Variants in ZNF154 observed in about 807,000 individuals in gnomAD.
ZNF154 encodes zinc finger protein 154.
Under a neutral mutation model 7.5 loss-of-function variants are expected in ZNF154, and 6 were observed. The ratio of observed to expected loss-of-function variants is 0.80; its 90% CI spans 0.44 to 1.57. The LOEUF (loss-of-function observed/expected upper bound fraction) is 1.57. Ranked by LOEUF, ZNF154 falls within the 40% of genes most tolerant of loss-of-function variation. ZNF154 has a pLI of 0.01. For missense variants in ZNF154, 485 were observed against 531.4 expected (o/e 0.91, Z 0.86); for synonymous variants, 187 against 185.9 (o/e 1.01, Z -0.05).
Position 57,704,952 on chromosome 19 carries a change from C to G in ZNF154, c.61G>C (p.Val21Leu). The G allele has an allele frequency of 6.2e-7, 1 of 1,613,146 alleles. No individual in the cohort carries two copies. Among genetic ancestry groups the G allele is most frequent in the Non-Finnish European group, 8.5e-7 (1 of 1,179,624 alleles). Residue 21 changes from valine (V) to leucine (L), a missense_variant, in exon 2 of 3, where the codon GTA (valine) becomes CTA (leucine). By Grantham distance (32) the Val-to-Leu change is conservative. Transcript: ENST00000684351. ...QGTVTFEDVA[V>L]HFSWEEWGLL... ...CCCCATTCCTCCCAGGAGAAGTGTA[C>G]GGCCACATCTTCAAAGGTCACAGTG...
intron 1 of ZNF154, among the ~76,000 whole-genome samples, chr19:57,706,348 C>G (rs1347882869): frequency 3.3e-5 from 5 of 152,118 alleles, no homozygotes; most frequent in Admixed American, 6.5e-5. Flanking sequence ...ATTCCACTTC[C>G]GTGCTGCACT....
intron 1 of ZNF154, among the ~76,000 whole-genome samples, chr19:57,708,120 T>C (rs1985466821): frequency 1.3e-5 from 2 of 152,156 alleles, no homozygotes; most frequent in African/African-American, 4.8e-5. Context: ...TGCCTGGCCC[T>C]GAACTCAGGC....
Position 57,701,651 on chromosome 19 carries a change from C to T in ZNF154, c.1298G>A (p.Arg433Lys), listed in dbSNP as rs780581615. The T allele has an allele frequency of 1.2e-6, 2 of 1,612,234 alleles. No individual in the cohort carries two copies. The highest frequency in any genetic ancestry group is 1.7e-5 in the Admixed American group (1 of 59,968). Residue 433 changes from arginine (R) to lysine (K), a missense_variant, in exon 3 of 3, where the codon AGA becomes AAA. Arg to Lys is a conservative substitution (Grantham distance 26). Coordinates refer to ENST00000684351, the MANE Select transcript of ZNF154 (RefSeq NM_001085384.3). ...ATAAGGCTTTTATCGACTATGAATT[C>T]TCTGATGTTTAATAAGGCTGGAGTT... The part of the protein sequence containing the change: ...SHNSSLIKHQ[R>K]IHSR
Position 57,702,521 on chromosome 19 carries a change from C to T in ZNF154, c.428G>A (p.Ser143Asn). The T allele has an allele frequency of 6.2e-7, 1 of 1,614,202 alleles. No individual in the cohort carries two copies. Among genetic ancestry groups the T allele is most frequent in the Non-Finnish European group, 8.5e-7 (1 of 1,180,034 alleles). ...YNCGEHTKAF[S>N]GKHTLVQQQR... ...CTGCTGAACAAGTGTGTGTTTACCG[C>T]TGAATGCTTTTGTGTGTTCTCCACA... The change falls in exon 3 of 3, where the codon AGC becomes AAC. Residue 143 changes from serine to asparagine, a missense_variant. Coordinates refer to ENST00000684351, the MANE Select transcript of ZNF154 (RefSeq NM_001085384.3).
rs775553707 is a variant in ZNF154, at chr19:57,701,363, A to C, written c.*272T>G. The C allele has an allele frequency of 9.4e-6, 4 of 424,398 alleles. No homozygotes were observed. The highest frequency in any genetic ancestry group is 1.7e-5 in the Non-Finnish European group (4 of 233,644). 26.3% of individuals were successfully genotyped at this position (424,398 alleles called of 1,614,324 possible). A position where few individuals can be genotyped will look rare whatever the true frequency, so the allele number is the denominator to read the frequency against. On this transcript the variant is annotated 3_prime_UTR_variant, in exon 3 of 3. Coordinates refer to ENST00000684351, the MANE Select transcript of ZNF154 (RefSeq NM_001085384.3). Reference sequence around the variant, plus strand: ...TGACATGGGCCCTGGGCAGGGCAAAAGGTGCAATGCAGTTCACACATACCT... The same window carrying C: ...TGACATGGGCCCTGGGCAGGGCAAACGGTGCAATGCAGTTCACACATACCT...
chr19:57,709,193 A>C lies in ZNF154; in HGVS notation c.-222T>G. 1.8e-6 allele frequency: 1 copy of C among 570,138 alleles called. No individual in the cohort carries two copies. Among genetic ancestry groups the C allele is most frequent in the South Asian group, 2.5e-5 (1 of 40,312 alleles). The allele number at this position is 570,138 out of a possible 1,614,324, so 35.3% of individuals were successfully genotyped here. A position where few individuals can be genotyped will look rare whatever the true frequency, so the allele number is the denominator to read the frequency against. On this transcript the variant is annotated 5_prime_UTR_variant, in exon 1 of 3. The change creates a new upstream start codon in the 5' untranslated region. Coordinates refer to ENST00000684351, the MANE Select transcript of ZNF154 (RefSeq NM_001085384.3). ...GGTGAACACACCTCAGAGAAGCTAA[A>C]ATGGCCGCCACGAAGAGGCCCCCCC...
chr19:57,698,178 A>G lies in ZNF154; in HGVS notation c.*3457T>C, dbSNP rs1984977269. On this transcript the variant is annotated 3_prime_UTR_variant, in exon 3 of 3. Coordinates refer to ENST00000684351, the MANE Select transcript of ZNF154 (RefSeq NM_001085384.3). ...AATCTCAAAATAAATACGTGACTAT[A>G]CCCAGGGATTAAAAAAGAGTAAATA... 6.6e-6 allele frequency: 1 copy of G among 152,236 alleles called. No individual in the cohort carries two copies. The highest frequency in any genetic ancestry group is 2.4e-5 in the African/African-American group (1 of 41,472). 9.4% of individuals were successfully genotyped at this position (152,236 alleles called of 1,614,324 possible).
In ZNF154 at chr19:57,709,079, G is replaced by T; in HGVS notation, c.-108C>A. 1.4e-6 allele frequency: 2 copies of T among 1,480,184 alleles called. No individual in the cohort carries two copies. The highest frequency in any genetic ancestry group is 1.8e-6 in the Non-Finnish European group (2 of 1,086,602). The allele number at this position is 1,480,184 out of a possible 1,614,324, so 91.7% of individuals were successfully genotyped here. A position where few individuals can be genotyped will look rare whatever the true frequency, so the allele number is the denominator to read the frequency against. On this transcript the variant is annotated 5_prime_UTR_variant, in exon 1 of 3. Coordinates refer to ENST00000684351, the MANE Select transcript of ZNF154 (RefSeq NM_001085384.3). ...GACGTGGGTCCCCCAGGGCGGCGTC[G>T]CCAAGGCTTAGACGCTTTCGTGCAG...
At position 57,699,093 on chromosome 19, in the gene ZNF154, C is replaced by A. The variant is rs1273087381; in HGVS notation, c.*2542G>T. On this transcript the variant is annotated 3_prime_UTR_variant, in exon 3 of 3. Coordinates refer to ENST00000684351, the MANE Select transcript of ZNF154 (RefSeq NM_001085384.3). The stretch of plus-strand genomic sequence containing the variant: ...AGGTGTAAGCCACCGCATCTGGCCT[C>A]TTTTTTTTGAGACGGAGTCTTGTTT... 1 of 149,528 alleles carries A rather than the reference C, an allele frequency of 6.7e-6. No homozygotes were observed. The highest frequency in any genetic ancestry group is 1.5e-5 in the Non-Finnish European group (1 of 67,384). 9.3% of individuals were successfully genotyped at this position (149,528 alleles called of 1,614,324 possible).
At chr19:57,703,461 G>A (rs895039270) in intron 2 of ZNF154, among the ~76,000 whole-genome samples, 3 of 137,906 alleles carry the variant, frequency 2.2e-5, no homozygotes, top group African/African-American at 8.2e-5. Flanking sequence ...CTCCAGCCTG[G>A]GTGACAGAAG....
rs2122383440 is a variant in ZNF154 at position 57,701,168 on chromosome 19, A to G, written c.*467T>C. The G allele has an allele frequency of 6.1e-6, 1 of 162,614 alleles. No individual in the cohort carries two copies. The highest frequency in any genetic ancestry group is 2.4e-5 in the African/African-American group (1 of 41,562). The allele number at this position is 162,614 out of a possible 1,614,324, so 10.1% of individuals were successfully genotyped here. A position where few individuals can be genotyped will look rare whatever the true frequency, so the allele number is the denominator to read the frequency against. On this transcript the variant is annotated 3_prime_UTR_variant, in exon 3 of 3. Transcript: ENST00000684351. Reference sequence around the variant, plus strand: ...GGCCTAACTCATCAGAAAGGAAAAAAAAAAAACGGAATAAATGCTTAGGCT... The same window carrying G: ...GGCCTAACTCATCAGAAAGGAAAAAGAAAAAACGGAATAAATGCTTAGGCT...
At position 57,701,565 on chromosome 19, in the gene ZNF154, A is replaced by T; in HGVS notation, c.*70T>A. The stretch of plus-strand genomic sequence containing the variant: ...TGGCCTTCAGCTGAAGCTTTCTGAC[A>T]TTCACTGTGTACTCAAGGACTTTCT... On this transcript the variant is annotated 3_prime_UTR_variant, in exon 3 of 3. Transcript: ENST00000684351. 6.6e-7 allele frequency: 1 copy of T among 1,505,242 alleles called. No individual in the cohort carries two copies. The highest frequency in any genetic ancestry group is 9.0e-7 in the Non-Finnish European group (1 of 1,111,122). The allele number at this position is 1,505,242 out of a possible 1,614,324, so 93.2% of individuals were successfully genotyped here.
rs1220562529 is a variant in ZNF154, at chr19:57,703,223, C to T, written c.161-435G>A. 1.5e-4 allele frequency among the ~76,000 whole-genome samples: 17 copies of T among 109,698 alleles called. No individual in the cohort carries two copies. The Admixed American group carries it at 1.9e-3, about 12-fold the overall frequency. The allele number at this position is 109,698 out of a possible 152,430, so 72.0% of individuals were successfully genotyped here. On this transcript the variant is annotated intron_variant, in intron 2 of 2. Coordinates refer to ENST00000684351, the MANE Select transcript of ZNF154 (RefSeq NM_001085384.3). ...CAAGAATGGGCCGGGTGCGGTGGCT[C>T]ACATCTGTAATCCCAGCACTTTGGG...
chr19:57,708,226 T>G (rs1234355300), intron 1 of ZNF154, among the ~76,000 whole-genome samples: 1 of 152,218 alleles, frequency 6.6e-6, no homozygotes, highest in Admixed American at 6.5e-5. Context: ...AATGTCCTCA[T>G]CGCCCCATCG....
rs1292415464 is a variant in ZNF154, at chr19:57,702,167, A to T, written c.782T>A (p.Leu261His). The change falls in exon 3 of 3, where the codon CTT (leucine) becomes CAT (histidine). Residue 261 changes from leucine to histidine, a missense_variant. By Grantham distance (99) the Leu-to-His change is moderately conservative. Transcript: ENST00000684351. ...GKSFSQRSAL[L>H]QHRGVHTGER... ...CCCAGTGTGAACTCCCCGATGTTGA[A>T]GGAGTGCAGACCTTTGGCTAAAGGA... 6 of 1,613,826 alleles carry T rather than the reference A, an allele frequency of 3.7e-6. No homozygotes were observed. In the Admixed American group the frequency reaches 5.0e-5, roughly 13 times the overall value.
At position 57,701,856 on chromosome 19, in the gene ZNF154, A is replaced by C. The variant is rs1360036055; in HGVS notation, c.1093T>G (p.Phe365Val). 6.2e-7 allele frequency: 1 copy of C among 1,614,150 alleles called. No individual in the cohort carries two copies. Among genetic ancestry groups the C allele is most frequent in the African/African-American group, 1.3e-5 (1 of 75,012 alleles). Residue 365 changes from phenylalanine to valine, a missense_variant, in exon 3 of 3, where the codon TTC becomes GTC. Transcript: ENST00000684351. ...CGGAGACTGGAGCTGTAGGGAAAGA[A>C]CTTCCCACATTCACTGCACTCATAA... ...RPYECSECGK[F>V]FPYSSSLRKH... is the part of the protein sequence containing the mutation.
rs1399052189 is a variant in ZNF154, at chr19:57,697,014, T to C, written c.*4621A>G. Reference sequence around the variant, plus strand: ...GAGCATCACCTGTTAGGATGAACTATGTGTGACAAATGGTGCTGTCAAATT... The same window carrying C: ...GAGCATCACCTGTTAGGATGAACTACGTGTGACAAATGGTGCTGTCAAATT... On this transcript the variant is annotated 3_prime_UTR_variant, in exon 3 of 3. Transcript: ENST00000684351. Among the ~76,000 whole-genome samples the C allele has an allele frequency of 3.3e-5, 5 of 152,222 alleles. No individual in the cohort carries two copies. Among genetic ancestry groups the C allele is most frequent in the Non-Finnish European group, 7.3e-5 (5 of 68,038 alleles).
Position 57,701,603 on chromosome 19 carries a change from CAGA to C in ZNF154, c.*29_*31del. On this transcript the variant is annotated 3_prime_UTR_variant, in exon 3 of 3. Coordinates refer to ENST00000684351, the MANE Select transcript of ZNF154 (RefSeq NM_001085384.3). ...TCAAGGACTTTCTCCAGGGTGCTAA[CAGA>C]TTTTCCACATTTGCCACTCATAAGG... 1 of 1,597,146 alleles carries C rather than the reference CAGA, an allele frequency of 6.3e-7. No individual in the cohort carries two copies. The highest frequency in any genetic ancestry group is 2.2e-5 in the East Asian group (1 of 44,604).
Position 57,696,553 on chromosome 19 carries a change from C to T in ZNF154, c.*5082G>A, listed in dbSNP as rs1376485087. On this transcript the variant is annotated 3_prime_UTR_variant, in exon 3 of 3. Transcript: ENST00000684351. ...TGGCAGAGGAGGGATTAAACCCAGG[C>T]AGCAGAGGGAGCAGAGGGCCTGGGG... is the stretch of plus-strand genomic sequence containing the variant. 1.3e-5 allele frequency among the ~76,000 whole-genome samples: 2 copies of T among 152,140 alleles called. No individual in the cohort carries two copies. The highest frequency in any genetic ancestry group is 2.9e-5 in the Non-Finnish European group (2 of 68,028).
Sources: gnomAD v4.1 joint callset for allele counts (sites outside exome capture counted in the v4.1 genomes callset) on GRCh38, gnomAD v4.1.1 for gene constraint, MANE v1.5 for transcripts, NCBI Gene and HGNC (gene_info 2026-07-23, HGNC 2026-07-21) for gene names.